PCLO: variants seen among roughly 807,000 people sequenced by gnomAD.
The protein encoded by PCLO is protein piccolo.
In PCLO, 82 loss-of-function variants were observed where a neutral mutation model predicts 427.5. That is an observed-to-expected ratio of 0.19 (90% confidence interval 0.16 to 0.23). PCLO has a LOEUF of 0.23. Among genes scored for constraint, PCLO ranks in the 10% least tolerant of loss-of-function variants. PCLO has a pLI of 1.00. For missense variants in PCLO, 6,239 were observed against 6,115.9 expected (o/e 1.02, Z -0.67); for synonymous variants, 2,357 against 2,155.4 (o/e 1.09, Z -2.59).
chr7:83,126,483 A>G (rs1254010349), intron 3 of PCLO, among the ~76,000 whole-genome samples: 1 of 152,160 alleles, frequency 6.6e-6, no homozygotes, highest in African/African-American at 2.4e-5. Context: ...AAAATATCAC[A>G]TGTACCCCAT....
At chr7:82,926,626 G>A (rs1794718700) in intron 6 of PCLO, among the ~76,000 whole-genome samples, 1 of 152,084 alleles carries the variant, frequency 6.6e-6, no homozygotes, top group Non-Finnish European at 1.5e-5. Flanking sequence ...TCTTGTCCCA[G>A]TTTGTTTTGT....
chr7:83,058,229 G>A (rs1789450762), intron 3 of PCLO, among the ~76,000 whole-genome samples: 1 of 152,164 alleles, frequency 6.6e-6, no homozygotes, highest in Non-Finnish European at 1.5e-5. Flanking sequence ...TGCCTCAGAT[G>A]CTCTACTGAG....
At chr7:82,873,179 G>GTTTT (rs59328364) in intron 10 of PCLO, among the ~76,000 whole-genome samples, 1 of 110,124 alleles carries the variant, frequency 9.1e-6, no homozygotes, top group South Asian at 2.8e-4. Flanking sequence ...TATTCTGTAA[G>GTTTT]TTTTTTTTTT....
At chr7:83,093,674 T>A (rs1018858874) in intron 3 of PCLO, among the ~76,000 whole-genome samples, 4 of 149,446 alleles carry the variant, frequency 2.7e-5, no homozygotes, top group African/African-American at 7.4e-5. Flanking sequence ...TTTTATTTTT[T>A]AGTAGAGACG....
chr7:82,805,850 C>T, intron 20 of PCLO, 21 bp from the exon 21 acceptor site: 1 of 1,585,878 alleles, frequency 6.3e-7, no homozygotes, highest in Non-Finnish European at 8.6e-7. Context: ...TGGGAAGATT[C>T]AACACCACAG....
At chr7:82,793,135 T>G (rs1490959353) in intron 22 of PCLO, among the ~76,000 whole-genome samples, 3 of 152,102 alleles carry the variant, frequency 2.0e-5, no homozygotes, top group Non-Finnish European at 4.4e-5. Flanking sequence ...TCAATGCTCT[T>G]CTCTCCTGCA....
chr7:83,024,189 G>A (rs574488457), intron 3 of PCLO, among the ~76,000 whole-genome samples: 1 of 152,322 alleles, frequency 6.6e-6, no homozygotes, highest in East Asian at 1.9e-4. Flanking sequence ...TTCCATCTGA[G>A]GTACTGGGTT....
At chr7:82,811,853 TGAAG>T (rs751583069) in intron 20 of PCLO, among the ~76,000 whole-genome samples, 8 of 151,420 alleles carry the variant, frequency 5.3e-5, no homozygotes, top group Non-Finnish European at 8.9e-5. Flanking sequence ...GCATGGAAGT[TGAAG>T]GAAGGATGTC....
chr7:82,821,640 C>T (rs1419916065), intron 20 of PCLO: 1 of 962,350 alleles, frequency 1.0e-6, no homozygotes, highest in East Asian at 1.2e-4. Flanking sequence ...GAAAATACAG[C>T]AGTTAAGATA....
chr7:83,025,960 A>T (rs1788483179), intron 3 of PCLO, among the ~76,000 whole-genome samples: 1 of 152,186 alleles, frequency 6.6e-6, no homozygotes, highest in South Asian at 2.1e-4. Context: ...GGAAGCGCTA[A>T]ACATGGAAAG....
At chr7:83,129,998 A>T (rs1231247557) in intron 3 of PCLO, among the ~76,000 whole-genome samples, 3 of 151,954 alleles carry the variant, frequency 2.0e-5, no homozygotes, top group East Asian at 3.9e-4. Flanking sequence ...TATTGACTTA[A>T]ATTTATTTCC....
chr7:83,155,158 C>A lies in PCLO; in HGVS notation c.1483G>T (p.Gly495Cys). ...GPAKPPPQQP[G>C]SAKPPSQQPG... The stretch of plus-strand genomic sequence containing the variant: ...TGTTGAGATGGGGGCTTTGCTGAGC[C>A]AGGCTGTTGAGGTGGGGGCTTTGCT... Residue 495 changes from glycine to cysteine, a missense_variant, in exon 2 of 25, where the codon GGC becomes TGC. Physicochemically the swap from Gly to Cys is radical, Grantham distance 159. Around this residue, in one of 5 missense-constraint regions of PCLO, gnomAD observed 4,677 missense variants for 4,468.4 expected, o/e 1.05. Transcript: ENST00000333891. 3.2e-6 allele frequency: 5 copies of A among 1,550,890 alleles called. No homozygotes were observed. Among genetic ancestry groups the A allele is most frequent in the Non-Finnish European group, 4.3e-6 (5 of 1,153,606 alleles).
At position 82,761,451 on chromosome 7, in the gene PCLO, T is replaced by G. The variant is rs1790430817; in HGVS notation, c.15050A>C (p.Lys5017Thr). 1 of 1,596,808 alleles carries G rather than the reference T, an allele frequency of 6.3e-7. No homozygotes were observed. The highest frequency in any genetic ancestry group is 8.5e-7 in the Non-Finnish European group (1 of 1,169,898). The change falls in exon 23 of 25, where the codon AAG becomes ACG. Residue 5017 changes from lysine to threonine, a missense_variant. This residue lies in a region of PCLO where 877 missense variants were observed against 925.5 expected (regional missense o/e 0.95). Transcript: ENST00000333891. Reference protein sequence around the residue: ...VMGEIKIALKKEMKTDGEQLI... With the variant: ...VMGEIKIALKTEMKTDGEQLI... ...TTGTTCACCATCTGTCTTCATTTCC[T>G]TCTTCAATGCAATCTTGATTTCTCC...
intron 10 of PCLO, among the ~76,000 whole-genome samples, chr7:82,857,421 C>T (rs1378479389): frequency 6.6e-6 from 1 of 152,012 alleles, no homozygotes; most frequent in Non-Finnish European, 1.5e-5. Flanking sequence ...ATATTCTGTA[C>T]TGTTCTTTTT....
intron 21 of PCLO, among the ~76,000 whole-genome samples, chr7:82,803,243 C>A (rs1207711047): frequency 6.6e-6 from 1 of 151,922 alleles, no homozygotes; most frequent in Non-Finnish European, 1.5e-5. Flanking sequence ...GTAGAGTGAA[C>A]CAAAACATAC....
chr7:83,154,060 C>A (rs1408366112), intron 2 of PCLO, among the ~76,000 whole-genome samples: 1 of 152,088 alleles, frequency 6.6e-6, no homozygotes. Flanking sequence ...CACAATTAAC[C>A]TTTTTATAAT....
At position 82,847,300 on chromosome 7, in the gene PCLO, G is replaced by T. The variant is rs1584042055; in HGVS notation, c.13655-53C>A. ...CAAACGTGTGCTATCTCTAGTCTGGGTACATATGGCATTGAAGACATTTAT... is the reference window on the plus strand; with the variant it reads ...CAAACGTGTGCTATCTCTAGTCTGGTTACATATGGCATTGAAGACATTTAT... On this transcript the variant is annotated intron_variant, in intron 10 of 24. Coordinates refer to ENST00000333891, the MANE Select transcript of PCLO (RefSeq NM_033026.6). 9.2e-6 allele frequency: 9 copies of T among 973,476 alleles called. No individual in the cohort carries two copies. In the East Asian group the frequency reaches 2.0e-4, roughly 22 times the overall value. The allele number at this position is 973,476 out of a possible 1,614,324, so 60.3% of individuals were successfully genotyped here.
intron 4 of PCLO, among the ~76,000 whole-genome samples, chr7:82,959,772 G>A (rs1220385293): frequency 1.3e-5 from 2 of 151,354 alleles, no homozygotes; most frequent in Non-Finnish European, 1.5e-5. Context: ...GTTTACCTAC[G>A]GTGGTGATGC....
chr7:83,148,952 T>C lies in PCLO; in HGVS notation c.1893+5796A>G, dbSNP rs527777831. On this transcript the variant is annotated intron_variant, in intron 2 of 24. Coordinates refer to ENST00000333891, the MANE Select transcript of PCLO (RefSeq NM_033026.6). ...AAGGACAGTTTTACTCTGATGGTAA[T>C]AGTTCAGGGGATTTGACTCATAGAT... Among the ~76,000 whole-genome samples the C allele has an allele frequency of 9.9e-5, 15 of 152,260 alleles. No individual in the cohort carries two copies. The South Asian group carries it at 1.2e-3, about 13-fold the overall frequency.
Sources: allele counts gnomAD v4.1 joint callset (sites outside exome capture counted in the v4.1 genomes callset), GRCh38; gene constraint gnomAD v4.1.1; regional missense constraint gnomAD v4.1.1; transcripts MANE v1.5; gene names NCBI Gene and HGNC (gene_info 2026-07-23, HGNC 2026-07-21).